The following DIAPH2 variants were observed in gnomAD, a reference collection of about 807,000 sequenced individuals.
The protein encoded by DIAPH2 is diaphanous related formin 2.
DIAPH2 carries 35 observed loss-of-function variants against 92.7 expected under a neutral mutation model. The observed-to-expected ratio is 0.38, with a 90% confidence interval of 0.29 to 0.50. DIAPH2 has a LOEUF of 0.50. DIAPH2 is among the 20% of genes least tolerant of loss of function. The pLI is 0.94. For missense variants in DIAPH2, 701 were observed against 819.5 expected (o/e 0.86, Z 1.77); for synonymous variants, 301 against 280.4 (o/e 1.07, Z -0.73).
intron 4 of DIAPH2, among the ~76,000 whole-genome samples, chrX:96,845,229 T>G (rs2064963708): frequency 8.9e-6 from 1 of 112,143 alleles, no homozygotes; most frequent in Admixed American, 9.5e-5. Context: ...TCATTTTTCC[T>G]TCTTTATAAG....
intron 26 of DIAPH2, among the ~76,000 whole-genome samples, chrX:97,510,038 T>C (rs1331711780): frequency 9.0e-6 from 1 of 111,301 alleles, no homozygotes; most frequent in Admixed American, 9.5e-5. Flanking sequence ...ATGGGTTGGC[T>C]GGATCAAATG....
intron 7 of DIAPH2, among the ~76,000 whole-genome samples, chrX:96,915,896 T>G (rs997348009): frequency 2.9e-4 from 32 of 111,608 alleles, no homozygotes; most frequent in African/African-American, 9.7e-4. Context: ...GGTTCACAGC[T>G]TTTGTAGTGC....
chrX:97,074,250 T>G (rs1406689944), intron 18 of DIAPH2, among the ~76,000 whole-genome samples: 1 of 110,666 alleles, frequency 9.0e-6, no homozygotes, highest in African/African-American at 3.3e-5. Flanking sequence ...CTACTAAAAA[T>G]ACAAAATTAG....
At chrX:96,962,350 T>TATATAC (rs1569436498) in intron 16 of DIAPH2, among the ~76,000 whole-genome samples, 5 of 64,372 alleles carry the variant, frequency 7.8e-5, no homozygotes, top group African/African-American at 3.7e-4. Context: ...TATATATATA[T>TATATAC]ACACATATAT....
intron 26 of DIAPH2, among the ~76,000 whole-genome samples, chrX:97,557,048 T>C (rs1362982293): frequency 8.9e-6 from 1 of 111,920 alleles, no homozygotes; most frequent in African/African-American, 3.2e-5. Flanking sequence ...GTTGTGAGTA[T>C]GCAAAGGGCA....
intron 17 of DIAPH2, among the ~76,000 whole-genome samples, chrX:97,025,116 C>G (rs1441999357): frequency 9.1e-6 from 1 of 109,360 alleles, no homozygotes; most frequent in Non-Finnish European, 1.9e-5. Context: ...TTTGGGAGGC[C>G]GAGGTGGGCG....
At chrX:97,516,670 C>T (rs1041859852) in intron 26 of DIAPH2, among the ~76,000 whole-genome samples, 6 of 111,873 alleles carry the variant, frequency 5.4e-5, no homozygotes, top group African/African-American at 2.0e-4. Flanking sequence ...AGATAATTGT[C>T]TGATTATACC....
At chrX:96,915,851 G>T (rs1217486104) in intron 7 of DIAPH2, among the ~76,000 whole-genome samples, 1 of 111,342 alleles carries the variant, frequency 9.0e-6, no homozygotes, top group Admixed American at 9.5e-5. Flanking sequence ...TAGTTGACTT[G>T]TGACACTTAA....
chrX:96,887,649 A>G (rs747287356), intron 5 of DIAPH2, among the ~76,000 whole-genome samples: 13 of 111,567 alleles, frequency 1.2e-4, no homozygotes, highest in Non-Finnish European at 2.4e-4. Context: ...TGTTACTTTT[A>G]CCTACTAAAT....
In DIAPH2 at chrX:97,294,159, G is replaced by C. The variant is rs5967293; in HGVS notation, c.2844+46320G>C. ...ATCTTGTCACATGCCAGCCGTTGTTGTCCACCCTGGACTTCGCCTCTTAAG... is the reference window on the plus strand; with the variant it reads ...ATCTTGTCACATGCCAGCCGTTGTTCTCCACCCTGGACTTCGCCTCTTAAG... On this transcript the variant is annotated intron_variant, in intron 23 of 26. Transcript: ENST00000324765. Among the ~76,000 whole-genome samples, 241 of 111,627 alleles carry C rather than the reference G, an allele frequency of 2.2e-3. 3 individuals carry two copies. The highest frequency in any genetic ancestry group is 7.5e-3 in the African/African-American group (232 of 30,774).
intron 25 of DIAPH2, among the ~76,000 whole-genome samples, chrX:97,401,943 A>G (rs2069761883): frequency 8.9e-6 from 1 of 112,652 alleles, no homozygotes; most frequent in African/African-American, 3.2e-5. Context: ...GAACTGAGTC[A>G]TGACATTGCT....
chrX:97,183,139 A>C (rs1049409836), intron 22 of DIAPH2, among the ~76,000 whole-genome samples: 3 of 111,915 alleles, frequency 2.7e-5, no homozygotes, highest in African/African-American at 9.7e-5. Flanking sequence ...AGTTTTTAAA[A>C]ACTTTTGCGA....
At chrX:97,422,944 A>T (rs719905) in intron 25 of DIAPH2, among the ~76,000 whole-genome samples, 47,382 of 110,940 alleles carry the variant, frequency 0.43, 8,390 homozygotes, top group Non-Finnish European at 0.56. Context: ...TCAGAGACAC[A>T]TAACTCTTGT....
intron 23 of DIAPH2, among the ~76,000 whole-genome samples, chrX:97,340,390 G>T (rs973831105): frequency 7.2e-5 from 8 of 111,392 alleles, no homozygotes; most frequent in South Asian, 3.8e-4. Context: ...ACTTTCTTAA[G>T]TCTCAGTTAT....
At chrX:96,697,635 A>G (rs2063832364) in intron 1 of DIAPH2, among the ~76,000 whole-genome samples, 1 of 111,045 alleles carries the variant, frequency 9.0e-6, no homozygotes, top group Non-Finnish European at 1.9e-5. Flanking sequence ...ACAGAGCGAG[A>G]CTCTGTCTCA....
intron 4 of DIAPH2, among the ~76,000 whole-genome samples, chrX:96,821,915 C>T (rs1039995467): frequency 8.9e-6 from 1 of 111,801 alleles, no homozygotes; most frequent in Non-Finnish European, 1.9e-5. Context: ...CTCTATAATC[C>T]ATTTTTATAC....
At chrX:96,781,708 TTA>T (rs201859230) in intron 4 of DIAPH2, among the ~76,000 whole-genome samples, 6,208 of 109,608 alleles carry the variant, frequency 0.057, 202 homozygotes, top group Middle Eastern at 0.15. Flanking sequence ...AAGAAAAAGT[TTA>T]TATATATATA....
chrX:97,142,850 C>T lies in DIAPH2; in HGVS notation c.2719+1056C>T, dbSNP rs755064551. Among the ~76,000 whole-genome samples the T allele has an allele frequency of 2.7e-5, 3 of 111,385 alleles. No individual in the cohort carries two copies. In the South Asian group the frequency reaches 1.1e-3, roughly 42 times the overall value. On this transcript the variant is annotated intron_variant, in intron 22 of 26. Transcript: ENST00000324765. ...TGGTAAGGACTTCATATATGTTTCTCAAGTTTATTACAAACCATATAAACC... is the reference window on the plus strand; with the variant it reads ...TGGTAAGGACTTCATATATGTTTCTTAAGTTTATTACAAACCATATAAACC...
At chrX:97,136,990 C>G (rs2067174550) in intron 21 of DIAPH2, among the ~76,000 whole-genome samples, 1 of 108,625 alleles carries the variant, frequency 9.2e-6, no homozygotes, top group Admixed American at 1.0e-4. Context: ...AAGCTTAAGG[C>G]CTTAAAAGTA....
Sources: gnomAD v4.1 joint callset for allele counts (sites outside exome capture counted in the v4.1 genomes callset) on GRCh38, gnomAD v4.1.1 for gene constraint, MANE v1.5 for transcripts, NCBI Gene and HGNC (gene_info 2026-07-23, HGNC 2026-07-21) for gene names.